NELL1: variants seen among roughly 807,000 people sequenced by gnomAD.
The protein encoded by NELL1 is neural EGFL like 1, also known as protein kinase C-binding protein NELL1.
Under a neutral mutation model 107.4 loss-of-function variants are expected in NELL1, and 76 were observed. The observed-to-expected ratio is 0.71, with a 90% CI of 0.59 to 0.86. The LOEUF is 0.86. Among genes scored for constraint, NELL1 ranks in the 40% least tolerant of loss-of-function variants. The pLI is 0.00. For synonymous variants in NELL1, 353 were observed against 341.2 expected (o/e 1.03, Z -0.38); for missense variants, 1,024 against 1,005.5 (o/e 1.02, Z -0.25).
chr11:20,821,818 C>A (rs1475695784), intron 3 of NELL1, among the ~76,000 whole-genome samples: 1 of 152,194 alleles, frequency 6.6e-6, no homozygotes, highest in Admixed American at 6.5e-5. Context: ...ATCTGAGTAC[C>A]AGGGCTTCTC....
chr11:20,855,060 T>C (rs761347720), intron 4 of NELL1, among the ~76,000 whole-genome samples: 2 of 152,252 alleles, frequency 1.3e-5, no homozygotes, highest in Non-Finnish European at 2.9e-5. Context: ...TCATGCTATG[T>C]ACCCTGTGGC....
chr11:20,720,763 T>C (rs1226388062), intron 2 of NELL1, among the ~76,000 whole-genome samples: 1 of 152,076 alleles, frequency 6.6e-6, no homozygotes, highest in Non-Finnish European at 1.5e-5. Context: ...ATCTCTATGT[T>C]CAAATTTCTT....
At chr11:21,108,104 C>G (rs1032036574) in intron 12 of NELL1, among the ~76,000 whole-genome samples, 5 of 152,146 alleles carry the variant, frequency 3.3e-5, no homozygotes, top group Non-Finnish European at 7.4e-5. Context: ...ATCTTCTTTC[C>G]TTTTTAAATG....
rs1304924220 is a variant in NELL1, at chr11:20,947,320, A to G, written c.1072-16A>G. On this transcript the variant is annotated splice_polypyrimidine_tract_variant and intron_variant, in intron 10 of 19. Transcript: ENST00000357134. ...AATGTGAACATCTTTTTCTTTCCCT[A>G]ATATTTGGCTTCCAGGGTGGAGTTT... 4.5e-6 allele frequency: 7 copies of G among 1,570,744 alleles called. No homozygotes were observed. Among genetic ancestry groups the G allele is most frequent in the Non-Finnish European group, 6.1e-6 (7 of 1,140,860 alleles).
chr11:21,142,508 G>C (rs1226270613), intron 13 of NELL1, among the ~76,000 whole-genome samples: 1 of 152,204 alleles, frequency 6.6e-6, no homozygotes, highest in Non-Finnish European at 1.5e-5. Flanking sequence ...TGGGACAGAG[G>C]TTTCCATTTT....
chr11:21,311,034 A>C (rs1849738514), intron 14 of NELL1, among the ~76,000 whole-genome samples: 1 of 152,118 alleles, frequency 6.6e-6, no homozygotes, highest in Non-Finnish European at 1.5e-5. Flanking sequence ...CTGAAAATTA[A>C]TCTGTGCGTT....
chr11:21,369,016 T>C (rs1413374660), intron 14 of NELL1, among the ~76,000 whole-genome samples: 1 of 152,024 alleles, frequency 6.6e-6, no homozygotes, highest in Non-Finnish European at 1.5e-5. Flanking sequence ...TCATTTCTAC[T>C]TAAAGACTGA....
At chr11:21,252,916 A>T (rs934490760) in intron 14 of NELL1, among the ~76,000 whole-genome samples, 2 of 152,184 alleles carry the variant, frequency 1.3e-5, no homozygotes, top group African/African-American at 4.8e-5. Flanking sequence ...TAATAACTTT[A>T]CAACTTAGTA....
chr11:20,685,168 C>T (rs894609657), intron 2 of NELL1, among the ~76,000 whole-genome samples: 1 of 151,994 alleles, frequency 6.6e-6, no homozygotes, highest in African/African-American at 2.4e-5. Flanking sequence ...TATGCTATGC[C>T]TGGAAACTCC....
intron 5 of NELL1, among the ~76,000 whole-genome samples, chr11:20,891,068 G>A (rs1309667293): frequency 3.3e-5 from 5 of 152,190 alleles, no homozygotes; most frequent in South Asian, 4.2e-4. Flanking sequence ...TCAGCTTCAC[G>A]AAGGTTGAAA....
intron 15 of NELL1, among the ~76,000 whole-genome samples, chr11:21,422,420 G>A (rs1852702383): frequency 6.6e-6 from 1 of 151,834 alleles, no homozygotes; most frequent in East Asian, 1.9e-4. Context: ...TAAGCTAAAA[G>A]GTAGTATTAT....
At chr11:21,100,183 A>AT (rs913216557) in intron 12 of NELL1, among the ~76,000 whole-genome samples, 20 of 151,840 alleles carry the variant, frequency 1.3e-4, no homozygotes, top group African/African-American at 2.9e-4. Context: ...CGCCTGGATA[A>AT]TTTTTTGTAT....
intron 2 of NELL1, among the ~76,000 whole-genome samples, chr11:20,750,183 G>A (rs1024444166): frequency 1.3e-5 from 2 of 152,086 alleles, no homozygotes; most frequent in African/African-American, 4.8e-5. Flanking sequence ...TTTCCCCGAT[G>A]ACTAATGATG....
intron 3 of NELL1, among the ~76,000 whole-genome samples, chr11:20,815,478 C>A (rs1227214845): frequency 6.6e-6 from 1 of 152,220 alleles, no homozygotes; most frequent in Middle Eastern, 3.4e-3. Flanking sequence ...AGTTTCTGTA[C>A]GTGTCCTTTG....
chr11:21,446,114 TCTG>T lies in NELL1; in HGVS notation c.1645+75169_1645+75171del, dbSNP rs764676151. Among the ~76,000 whole-genome samples, 3 of 152,092 alleles carry T rather than the reference TCTG, an allele frequency of 2.0e-5. 1 individual carries two copies. Among genetic ancestry groups the T allele is most frequent in the Admixed American group, 6.6e-5 (1 of 15,256 alleles). On this transcript the variant is annotated intron_variant, in intron 15 of 19. Transcript: ENST00000357134. ...TAATTCTTTCTTCTGCTTGACCAAT[TCTG>T]CTATTAAGAGACTCTGATGCATTCT...
chr11:20,773,882 TAAGTCCCTGATGA>T (rs1856689304), intron 2 of NELL1, among the ~76,000 whole-genome samples: 1 of 152,150 alleles, frequency 6.6e-6, no homozygotes, highest in African/African-American at 2.4e-5. Flanking sequence ...CCTGGAAGAT[TAAGTCCCTGATGA>T]GGGACTCACT....
At chr11:21,358,705 C>T (rs1851002030) in intron 14 of NELL1, among the ~76,000 whole-genome samples, 2 of 149,030 alleles carry the variant, frequency 1.3e-5, no homozygotes, top group South Asian at 2.2e-4. Flanking sequence ...GCGTGACCCA[C>T]CGTGCCCGGC....
chr11:21,329,388 A>G (rs868665470), intron 14 of NELL1, among the ~76,000 whole-genome samples: 3 of 152,116 alleles, frequency 2.0e-5, no homozygotes, highest in African/African-American at 7.2e-5. Context: ...CTCCCTAATC[A>G]TGCTGAACTG....
At chr11:21,363,726 A>G (rs1245953551) in intron 14 of NELL1, among the ~76,000 whole-genome samples, 1 of 152,144 alleles carries the variant, frequency 6.6e-6, no homozygotes, top group East Asian at 1.9e-4. Flanking sequence ...CAAAATTTTT[A>G]TTTTCTCATA....
Sources: gnomAD v4.1 joint callset for allele counts (sites outside exome capture counted in the v4.1 genomes callset) on GRCh38, gnomAD v4.1.1 for gene constraint, MANE v1.5 for transcripts, NCBI Gene and HGNC (gene_info 2026-07-23, HGNC 2026-07-21) for gene names.